The following LRFN5 variants were observed in gnomAD, a reference collection of about 807,000 sequenced individuals.
LRFN5 encodes the protein leucine rich repeat and fibronectin type III domain containing 5, also known as leucine-rich repeat and fibronectin type-III domain-containing protein 5.
Under a neutral mutation model 45.6 loss-of-function variants are expected in LRFN5, and 24 were observed. That is an observed-to-expected ratio of 0.53 (90% CI 0.38 to 0.74). LRFN5 has a LOEUF of 0.74. Ranked by LOEUF, LRFN5 falls within the 30% of genes least tolerant of loss-of-function variation. The probability of loss-of-function intolerance (pLI) is 0.00; values close to 1 mark genes in which losing one functional copy is unlikely to be tolerated. For missense variants in LRFN5, 776 were observed against 861.5 expected (o/e 0.90, Z 1.24); for synonymous variants, 340 against 313.8 (o/e 1.08, Z -0.88).
chr14:41,752,265 T>G (rs554797542), intron 1 of LRFN5, among the ~76,000 whole-genome samples: 119 of 152,318 alleles, frequency 7.8e-4, no homozygotes, highest in Admixed American at 1.4e-3. Flanking sequence ...TTTATAATCC[T>G]TTGAGTATAT....
intron 1 of LRFN5, among the ~76,000 whole-genome samples, chr14:41,624,964 C>T (rs1888275165): frequency 6.6e-6 from 1 of 151,648 alleles, no homozygotes; most frequent in South Asian, 2.1e-4. Context: ...GATAAAATAT[C>T]CTAATCATAG....
intron 4 of LRFN5, among the ~76,000 whole-genome samples, chr14:41,896,265 A>T (rs1427527146): frequency 6.6e-6 from 1 of 152,214 alleles, no homozygotes; most frequent in Non-Finnish European, 1.5e-5. Flanking sequence ...AGCAAATGCA[A>T]GTCATTGTCT....
rs963842149 is a variant in LRFN5 at position 41,893,034 on chromosome 14, C to G, written c.2098+1072C>G. ...TGGTGTTCTCATTATATTTATAAGT[C>G]ATAAAAGTCATTGCTCATTAAGCAG... On this transcript the variant is annotated intron_variant, in intron 4 of 5. Transcript: ENST00000298119. The G allele has an allele frequency of 9.1e-6, 9 of 984,474 alleles. No homozygotes were observed. The Admixed American group carries it at 5.6e-4, about 61-fold the overall frequency. The allele number at this position is 984,474 out of a possible 1,614,324, so 61.0% of individuals were successfully genotyped here. A position where few individuals can be genotyped will look rare whatever the true frequency, so the allele number is the denominator to read the frequency against.
intron 2 of LRFN5, among the ~76,000 whole-genome samples, chr14:41,863,956 A>G (rs1416819212): frequency 6.6e-6 from 1 of 151,394 alleles, no homozygotes; most frequent in Non-Finnish European, 1.5e-5. Flanking sequence ...TTCCTGTGTT[A>G]GTTTGCTGAG....
intron 1 of LRFN5, among the ~76,000 whole-genome samples, chr14:41,760,053 C>T (rs181164663): frequency 2.0e-5 from 3 of 152,212 alleles, no homozygotes; most frequent in South Asian, 2.1e-4. Flanking sequence ...GTCATTCGTA[C>T]GACCCACTGA....
intron 1 of LRFN5, chr14:41,701,264 A>T (rs570326999): frequency 3.9e-5 from 6 of 152,208 alleles, no homozygotes; most frequent in African/African-American, 1.4e-4. Context: ...ATCAGAATAC[A>T]TAACACTTAC....
At chr14:41,701,137 T>A (rs1882825263) in intron 1 of LRFN5, 1 of 152,172 alleles carries the variant, frequency 6.6e-6, no homozygotes, top group South Asian at 2.1e-4. Flanking sequence ...CACACCTTTT[T>A]AAAATTTAGA....
chr14:41,630,965 T>C (rs2138578564), intron 1 of LRFN5, among the ~76,000 whole-genome samples: 1 of 152,300 alleles, frequency 6.6e-6, no homozygotes, highest in South Asian at 2.1e-4. Flanking sequence ...TTGGAATGGC[T>C]TATGTAAAGC....
intron 5 of LRFN5, among the ~76,000 whole-genome samples, chr14:41,899,202 G>A (rs1399060766): frequency 1.3e-5 from 2 of 152,096 alleles, no homozygotes; most frequent in Non-Finnish European, 2.9e-5. Flanking sequence ...AAGAAATGAA[G>A]TTAATAATAG....
intron 1 of LRFN5, among the ~76,000 whole-genome samples, chr14:41,671,258 C>T (rs1881196159): frequency 6.6e-6 from 1 of 152,086 alleles, no homozygotes; most frequent in African/African-American, 2.4e-5. Context: ...AGAATATGGA[C>T]TTATCTTCCT....
At chr14:41,629,341 A>G (rs1017100395) in intron 1 of LRFN5, among the ~76,000 whole-genome samples, 6 of 152,090 alleles carry the variant, frequency 3.9e-5, no homozygotes, top group African/African-American at 1.4e-4. Context: ...ATGCTTACTT[A>G]TTTGTGGGTT....
intron 1 of LRFN5, among the ~76,000 whole-genome samples, chr14:41,744,644 AAG>A (rs894633353): frequency 1.9e-4 from 29 of 152,244 alleles, no homozygotes; most frequent in African/African-American, 6.5e-4. Flanking sequence ...TGCTGTTCAC[AAG>A]AGACTCAGTT....
At chr14:41,649,825 C>T (rs1408655313) in intron 1 of LRFN5, among the ~76,000 whole-genome samples, 1 of 152,122 alleles carries the variant, frequency 6.6e-6, no homozygotes, top group Non-Finnish European at 1.5e-5. Flanking sequence ...CTACTTGACC[C>T]TGCTGTATTT....
At chr14:41,667,443 CCTCGTGTGA>C (rs1404001605) in intron 1 of LRFN5, among the ~76,000 whole-genome samples, 3 of 152,104 alleles carry the variant, frequency 2.0e-5, no homozygotes, top group African/African-American at 2.4e-5. Flanking sequence ...TTGAAATGTG[CCTCGTGTGA>C]CTGAGGAACT....
intron 1 of LRFN5, among the ~76,000 whole-genome samples, chr14:41,723,320 G>C (rs1352080549): frequency 6.6e-6 from 1 of 152,020 alleles, no homozygotes; most frequent in Non-Finnish European, 1.5e-5. Context: ...AGTCTACTTT[G>C]GTGTAAAGTG....
intron 1 of LRFN5, among the ~76,000 whole-genome samples, chr14:41,737,906 G>T (rs1884513203): frequency 1.3e-5 from 2 of 152,106 alleles, no homozygotes; most frequent in Non-Finnish European, 2.9e-5. Context: ...TCAATATCAT[G>T]TAAATGGTCA....
intron 2 of LRFN5, among the ~76,000 whole-genome samples, chr14:41,862,906 C>A (rs1228955010): frequency 7.8e-6 from 1 of 127,896 alleles, no homozygotes; most frequent in Non-Finnish European, 1.5e-5. Context: ...GCTCTGTGGT[C>A]AAGGCTGGAG....
intron 1 of LRFN5, among the ~76,000 whole-genome samples, chr14:41,611,864 C>G (rs140434514): frequency 6.6e-6 from 1 of 152,158 alleles, no homozygotes; most frequent in African/African-American, 2.4e-5. Flanking sequence ...GATGGCAAGA[C>G]CTGTAGTTAC....
chr14:41,748,904 A>G (rs544497987), intron 1 of LRFN5, among the ~76,000 whole-genome samples: 1 of 151,590 alleles, frequency 6.6e-6, no homozygotes, highest in South Asian at 2.1e-4. Flanking sequence ...GATATTTTAT[A>G]TATATATATA....
Sources: gnomAD v4.1 joint callset for allele counts (sites outside exome capture counted in the v4.1 genomes callset) on GRCh38, gnomAD v4.1.1 for gene constraint, MANE v1.5 for transcripts, NCBI Gene and HGNC (gene_info 2026-07-23, HGNC 2026-07-21) for gene names.